Variants in FAM149A observed in about 807,000 individuals in gnomAD.
FAM149A encodes the protein protein FAM149A.
Under a neutral mutation model 78.2 loss-of-function variants are expected in FAM149A, and 71 were observed. The ratio of observed to expected loss-of-function variants is 0.91; its 90% confidence interval spans 0.75 to 1.11. FAM149A has a LOEUF of 1.11. Among genes scored for constraint, FAM149A ranks in the 50% least tolerant of loss-of-function variants. The pLI is 0.00. For synonymous variants in FAM149A, 446 were observed against 410.5 expected, an observed-to-expected ratio of 1.09 and a Z score of -1.04; for missense variants, 1,036 against 971.0, an observed-to-expected ratio of 1.07 and a Z score of -0.89.
At position 186,127,521 on chromosome 4, in the gene FAM149A, C is replaced by T. The variant is rs1363137883; in HGVS notation, c.567-21652C>T. 5.1e-6 allele frequency: 5 copies of T among 985,276 alleles called. No homozygotes were observed. The African/African-American group carries it at 7.0e-5, about 14-fold the overall frequency. The allele number at this position is 985,276 out of a possible 1,614,324, so 61.0% of individuals were successfully genotyped here. A position where few individuals can be genotyped will look rare whatever the true frequency, so the allele number is the denominator to read the frequency against. On this transcript the variant is annotated intron_variant, in intron 1 of 13. Transcript: ENST00000389354. The stretch of plus-strand genomic sequence containing the variant: ...CCAGGTTCTGTCTAGTGGCTTTCAA[C>T]GTTTGTTTTCTGTCTTACAGCATCC...
At chr4:186,109,856 A>C (rs1002749345) in intron 1 of FAM149A, 2 of 985,296 alleles carry the variant, frequency 2.0e-6, no homozygotes, top group African/African-American at 3.5e-5. Context: ...GTACATGCCA[A>C]TCTTTCATCA....
intron 1 of FAM149A, chr4:186,123,658 C>A: frequency 4.2e-6 from 1 of 239,288 alleles, no homozygotes. Flanking sequence ...GTCCAGGAAA[C>A]AGACATGAAT....
intron 5 of FAM149A, 111 bp from the exon 6 acceptor site, chr4:186,154,356 GA>G: frequency 1.2e-6 from 1 of 842,306 alleles, no homozygotes; most frequent in Non-Finnish European, 1.7e-6. Flanking sequence ...ACCGTTTTGG[GA>G]GGGGGGGATT....
rs1328282817 is a variant in FAM149A at position 186,104,720 on chromosome 4, G to C, written c.-357G>C. 6.8e-6 allele frequency among the ~76,000 whole-genome samples: 1 copy of C among 147,976 alleles called. No individual in the cohort carries two copies. Among genetic ancestry groups the C allele is most frequent in the Non-Finnish European group, 1.5e-5 (1 of 66,944 alleles). ...GGCCCAATTAGCCTGGAGCGCGGCC[G>C]GGTGTGTTGAACGTAGCAACCGCGG... On this transcript the variant is annotated 5_prime_UTR_variant, in exon 1 of 14. Transcript: ENST00000389354.
At chr4:186,170,508 G>T (rs893544654) in intron 13 of FAM149A, among the ~76,000 whole-genome samples, 1 of 152,218 alleles carries the variant, frequency 6.6e-6, no homozygotes, top group Non-Finnish European at 1.5e-5. Context: ...TCAGGTAGGG[G>T]TGGCCCTGTC....
At chr4:186,152,233 GT>G (rs1287428800) in intron 4 of FAM149A, among the ~76,000 whole-genome samples, 188 bp downstream of exon 4, 1 of 152,198 alleles carries the variant, frequency 6.6e-6, no homozygotes, top group East Asian at 1.9e-4. Context: ...AGACATTCCA[GT>G]ACTCAAGCGC....
At chr4:186,122,821 G>A (rs1273067271) in intron 1 of FAM149A, 7 of 666,086 alleles carry the variant, frequency 1.1e-5, no homozygotes, top group Non-Finnish European at 5.6e-6. Context: ...ACAAAAGATC[G>A]TAAGTAAATT....
At chr4:186,156,318 T>TA in intron 7 of FAM149A, 128 bp downstream of exon 7, 1 of 668,900 alleles carries the variant, frequency 1.5e-6, no homozygotes, top group Middle Eastern at 3.4e-4. Flanking sequence ...GTTCTGACTT[T>TA]ACTCATGAGT....
In FAM149A at chr4:186,144,335, A is replaced by C. The variant is rs912735101; in HGVS notation, c.567-4838A>C. 1.3e-5 allele frequency: 2 copies of C among 152,276 alleles called. No homozygotes were observed. Among genetic ancestry groups the C allele is most frequent in the Non-Finnish European group, 2.9e-5 (2 of 68,092 alleles). The allele number at this position is 152,276 out of a possible 1,614,324, so 9.4% of individuals were successfully genotyped here. On this transcript the variant is annotated intron_variant, in intron 1 of 13. Transcript: ENST00000389354. This position sits in a 1 kb window ranked among gnomAD's most constrained non-coding sequence, Gnocchi z 4.2. ...GATGCACCGGCTTGTGTGAGCCGGT[A>C]GGGCAGGACGGGCGTGGAAGGGTCC...
chr4:186,133,211 C>A (rs1185674343), intron 1 of FAM149A: 23 of 983,138 alleles, frequency 2.3e-5, no homozygotes, highest in Non-Finnish European at 2.7e-5. Flanking sequence ...ATGCATGAGA[C>A]AGAATTTATT....
Position 186,155,054 on chromosome 4 carries a change from C to A in FAM149A, c.1229+416C>A, listed in dbSNP as rs148300292. On this transcript the variant is annotated intron_variant, in intron 6 of 13. Transcript: ENST00000389354. ...CTCGGCTGACTGCAAACTCCGCCTC[C>A]CGGGTTCACGCCATTCTCCTCCCTC... The A allele has an allele frequency of 1.3e-3, 605 of 482,620 alleles. 3 individuals carry two copies. Among genetic ancestry groups the A allele is most frequent in the African/African-American group, 0.012 (576 of 47,836 alleles). 29.9% of individuals were successfully genotyped at this position (482,620 alleles called of 1,614,324 possible). A position where few individuals can be genotyped will look rare whatever the true frequency, so the allele number is the denominator to read the frequency against.
At position 186,123,373 on chromosome 4, in the gene FAM149A, T is replaced by C. The variant is rs1036004050; in HGVS notation, c.566+17731T>C. 4.1e-6 allele frequency: 4 copies of C among 985,316 alleles called. No individual in the cohort carries two copies. The East Asian group carries it at 3.4e-4, about 84-fold the overall frequency. 61.0% of individuals were successfully genotyped at this position (985,316 alleles called of 1,614,324 possible). A position where few individuals can be genotyped will look rare whatever the true frequency, so the allele number is the denominator to read the frequency against. Reference sequence around the variant, plus strand: ...ATGAGATGGGTGAATTTTCGTCTCATGGACATGTGCTGATGTTGGGAGACA... The same window carrying C: ...ATGAGATGGGTGAATTTTCGTCTCACGGACATGTGCTGATGTTGGGAGACA... On this transcript the variant is annotated intron_variant, in intron 1 of 13. Transcript: ENST00000389354.
intron 3 of FAM149A, among the ~76,000 whole-genome samples, chr4:186,151,390 T>C (rs1373265426): frequency 6.6e-6 from 1 of 152,234 alleles, no homozygotes; most frequent in Non-Finnish European, 1.5e-5. Context: ...CTTCTTAGGA[T>C]AACTAAGGAT....
At chr4:186,131,090 G>A (rs964215418) in intron 1 of FAM149A, among the ~76,000 whole-genome samples, 18 of 152,200 alleles carry the variant, frequency 1.2e-4, no homozygotes, top group Admixed American at 1.2e-3. Flanking sequence ...GCTCACGCCT[G>A]TAATCCCAGC....
At chr4:186,120,216 C>T (rs1224553748) in intron 1 of FAM149A, among the ~76,000 whole-genome samples, 2 of 152,088 alleles carry the variant, frequency 1.3e-5, no homozygotes, top group African/African-American at 4.8e-5. Flanking sequence ...TCACAAATCC[C>T]CAAAGCATAC....
chr4:186,145,302 G>A (rs1579863429), intron 1 of FAM149A, among the ~76,000 whole-genome samples: 1 of 152,252 alleles, frequency 6.6e-6, no homozygotes, highest in South Asian at 2.1e-4. Flanking sequence ...TCGTCACTGC[G>A]GTCGCTCCTG....
chr4:186,145,187 G>A, intron 1 of FAM149A: 1 of 977,718 alleles, frequency 1.0e-6, no homozygotes. Context: ...TCCGCCCGCG[G>A]GCCGGCTGCG....
intron 1 of FAM149A, among the ~76,000 whole-genome samples, chr4:186,119,818 G>A (rs892778309): frequency 2.6e-5 from 4 of 152,168 alleles, no homozygotes; most frequent in Non-Finnish European, 5.9e-5. Flanking sequence ...ATCAAACAGT[G>A]TGAAGACTTG....
chr4:186,138,346 G>T (rs1459675438), intron 1 of FAM149A, among the ~76,000 whole-genome samples: 3 of 152,146 alleles, frequency 2.0e-5, no homozygotes. Context: ...ACCTGCAGAG[G>T]TGACAGATTA....
Sources: gnomAD v4.1 joint callset for allele counts (sites outside exome capture counted in the v4.1 genomes callset) on GRCh38, gnomAD v4.1.1 for gene constraint, Gnocchi (gnomAD v3.1) non-coding constraint, MANE v1.5 for transcripts, NCBI Gene and HGNC (gene_info 2026-07-23, HGNC 2026-07-21) for gene names.